Variants in CLASP2 observed in about 807,000 individuals in gnomAD.
CLASP2 encodes cytoplasmic linker associated protein 2, also known as CLIP-associating protein 2.
In CLASP2, 47 loss-of-function variants were observed where a neutral mutation model predicts 194.4. That is an observed-to-expected ratio of 0.24 (90% CI 0.19 to 0.31). The LOEUF (loss-of-function observed/expected upper bound fraction) is 0.31, where lower values mean the gene tolerates loss of function less well. Ranked by LOEUF, CLASP2 falls within the 10% of genes least tolerant of loss-of-function variation. The probability of loss-of-function intolerance (pLI) is 1.00; values close to 1 mark genes in which losing one functional copy is unlikely to be tolerated. For synonymous variants in CLASP2, 619 were observed against 633.5 expected (o/e 0.98, Z 0.34); for missense variants, 1,445 against 1,823.6 (o/e 0.79, Z 3.78).
chr3:33,614,530 C>G (rs2075765486), intron 12 of CLASP2, among the ~76,000 whole-genome samples: 1 of 152,150 alleles, frequency 6.6e-6, no homozygotes, highest in African/African-American at 2.4e-5. Context: ...ACTCCTAGAC[C>G]TGCTGTGGGG....
chr3:33,499,242 C>A (rs946882345), intron 38 of CLASP2, among the ~76,000 whole-genome samples: 2 of 152,128 alleles, frequency 1.3e-5, no homozygotes, highest in African/African-American at 4.8e-5. Context: ...TGAAGAAGGA[C>A]ATGTTTGCTC....
chr3:33,690,829 T>A (rs1460339590), intron 2 of CLASP2, among the ~76,000 whole-genome samples: 2 of 152,134 alleles, frequency 1.3e-5, no homozygotes, highest in African/African-American at 4.8e-5. Context: ...TAGTAGCTGT[T>A]TTGGTTATCA....
At chr3:33,711,424 CTTT>C (rs780380755) in intron 1 of CLASP2, among the ~76,000 whole-genome samples, 5 of 136,104 alleles carry the variant, frequency 3.7e-5, no homozygotes, top group Admixed American at 7.4e-5. Context: ...TTTTTTATTT[CTTT>C]TTTTTTTTTT....
intron 22 of CLASP2, among the ~76,000 whole-genome samples, chr3:33,582,498 A>G (rs1013790950): frequency 2.6e-5 from 4 of 152,116 alleles, no homozygotes; most frequent in Non-Finnish European, 4.4e-5. Flanking sequence ...CACTACAAAA[A>G]AAATACAAAA....
Position 33,560,435 on chromosome 3 carries a change from G to T in CLASP2, c.2930+373C>A, listed in dbSNP as rs182133651. On this transcript the variant is annotated intron_variant, in intron 28 of 38. Transcript: ENST00000682230. ...TTTTTGTATTTTTAGTAGAGATATG[G>T]TTTCACCATGTTGACCAGGCTGGTC... Among the ~76,000 whole-genome samples, 918 of 152,004 alleles carry T rather than the reference G, an allele frequency of 6.0e-3. 3 individuals carry two copies. The highest frequency in any genetic ancestry group is 0.01 in the Non-Finnish European group (698 of 67,968).
rs980548147 is a variant in CLASP2 at position 33,506,262 on chromosome 3, C to CAG, written c.4317+4294_4317+4295dup. On this transcript the variant is annotated intron_variant, in intron 37 of 38. Coordinates refer to ENST00000682230, the MANE Select transcript of CLASP2 (RefSeq NM_001365631.1). Reference sequence around the variant, plus strand: ...GGTGGCAGGCACCTGTCGTCCCAGCCAGATACTCAGGAGGCTGAGACAGGA... The same window carrying CAG: ...GGTGGCAGGCACCTGTCGTCCCAGCCAGAGATACTCAGGAGGCTGAGACAGGA... Among the ~76,000 whole-genome samples the CAG allele has an allele frequency of 9.3e-5, 14 of 150,736 alleles. No homozygotes were observed. The East Asian group carries it at 1.8e-3, about 19-fold the overall frequency.
chr3:33,609,679 G>A lies in CLASP2; in HGVS notation c.1389-1053C>T, dbSNP rs142620054. Among the ~76,000 whole-genome samples, 6 of 152,176 alleles carry A rather than the reference G, an allele frequency of 3.9e-5. No homozygotes were observed. In the East Asian group the frequency reaches 9.7e-4, roughly 25 times the overall value. On this transcript the variant is annotated intron_variant, in intron 13 of 38. Transcript: ENST00000682230. ...TCTTTTTATTGAGGCAACATAATCTGTACCCTTAGTTCTGCTTATGAGATA... is the reference window on the plus strand; with the variant it reads ...TCTTTTTATTGAGGCAACATAATCTATACCCTTAGTTCTGCTTATGAGATA...
At chr3:33,684,945 T>C (rs1166745085) in intron 5 of CLASP2, among the ~76,000 whole-genome samples, 1 of 151,630 alleles carries the variant, frequency 6.6e-6, no homozygotes, top group East Asian at 1.9e-4. Flanking sequence ...GAGGTTGCAG[T>C]GAGCCAAGAT....
intron 28 of CLASP2, among the ~76,000 whole-genome samples, chr3:33,560,368 G>C (rs922221053): frequency 6.6e-6 from 1 of 151,850 alleles, no homozygotes; most frequent in African/African-American, 2.4e-5. Context: ...TCAGCCTCTG[G>C]AGTAGCTGAG....
intron 21 of CLASP2, among the ~76,000 whole-genome samples, chr3:33,591,918 T>A (rs1303449171): frequency 6.6e-6 from 1 of 152,232 alleles, no homozygotes; most frequent in Non-Finnish European, 1.5e-5. Context: ...CCTTGAATTA[T>A]GTTACCTAAG....
At chr3:33,623,480 C>A (rs2154281773) in intron 10 of CLASP2, among the ~76,000 whole-genome samples, 1 of 151,864 alleles carries the variant, frequency 6.6e-6, no homozygotes, top group Non-Finnish European at 1.5e-5. Flanking sequence ...ATCTCAAGTT[C>A]AATTTTTTTT....
chr3:33,514,644 C>T, intron 36 of CLASP2: 1 of 319,548 alleles, frequency 3.1e-6, no homozygotes, highest in Non-Finnish European at 6.5e-6. Flanking sequence ...AAGTAGAACT[C>T]CATTTGATCC....
intron 37 of CLASP2, chr3:33,504,679 T>G (rs1159152671): frequency 6.6e-6 from 1 of 151,928 alleles, no homozygotes; most frequent in Non-Finnish European, 1.5e-5. Flanking sequence ...TGGGGAAGGG[T>G]GATGGGGGGA....
At chr3:33,642,844 T>TA (rs543596713) in intron 8 of CLASP2, among the ~76,000 whole-genome samples, 20 of 148,748 alleles carry the variant, frequency 1.3e-4, no homozygotes, top group African/African-American at 2.7e-4. Context: ...TGAGCTCTGA[T>TA]AAAAAAAAGA....
intron 29 of CLASP2, among the ~76,000 whole-genome samples, chr3:33,554,384 C>T (rs997427439): frequency 7.2e-5 from 11 of 151,960 alleles, no homozygotes; most frequent in African/African-American, 2.2e-4. Context: ...AGGACAATAC[C>T]GTAAGTGAAA....
chr3:33,562,031 T>C (rs1284339330), intron 27 of CLASP2, among the ~76,000 whole-genome samples: 4 of 152,196 alleles, frequency 2.6e-5, no homozygotes, highest in Non-Finnish European at 5.9e-5. Context: ...CATACAGTTA[T>C]AGATGAACTC....
intron 9 of CLASP2, among the ~76,000 whole-genome samples, chr3:33,631,718 T>C (rs1044779812): frequency 6.6e-6 from 1 of 150,560 alleles, no homozygotes; most frequent in Non-Finnish European, 1.5e-5. Flanking sequence ...AAAAAATTCA[T>C]TGCAGCATGA....
At chr3:33,629,313 T>C (rs750052014) in intron 9 of CLASP2, among the ~76,000 whole-genome samples, 6 of 152,124 alleles carry the variant, frequency 3.9e-5, no homozygotes, top group Non-Finnish European at 8.8e-5. Context: ...ACTGATTGTG[T>C]AAATGTGTTA....
Position 33,584,763 on chromosome 3 carries a change from A to G in CLASP2, c.2226T>C (p.Ser742=). 3 of 1,595,936 alleles carry G rather than the reference A, an allele frequency of 1.9e-6. No homozygotes were observed. The highest frequency in any genetic ancestry group is 2.6e-6 in the Non-Finnish European group (3 of 1,174,586). The part of the protein sequence containing the change: ...SQGCSREASP[S]RLSVARSSRI... ...AAAAAATCTTACCCACTGAAAGCCT[A>G]GATGGACTAGCCTCTCTGCTACAGC... is the stretch of plus-strand genomic sequence containing the variant. Residue 742 remains serine (S), a synonymous_variant, in exon 22 of 39, where the codon TCT becomes TCC. Coordinates refer to ENST00000682230, the MANE Select transcript of CLASP2 (RefSeq NM_001365631.1).
Sources: gnomAD v4.1 joint callset for allele counts (sites outside exome capture counted in the v4.1 genomes callset) on GRCh38, gnomAD v4.1.1 for gene constraint, MANE v1.5 for transcripts, NCBI Gene and HGNC (gene_info 2026-07-23, HGNC 2026-07-21) for gene names.